LRRTM4: variants seen among roughly 807,000 people sequenced by gnomAD.
LRRTM4 encodes leucine-rich repeat transmembrane neuronal protein 4.
LRRTM4 carries 25 observed loss-of-function variants against 47.6 expected under a neutral mutation model. That is an observed-to-expected ratio of 0.53 (90% confidence interval 0.38 to 0.73). The LOEUF is 0.73. LRRTM4 is among the 30% of genes least tolerant of loss of function. The pLI, the probability that LRRTM4 is intolerant of heterozygous loss-of-function variation, is 0.00. For missense variants in LRRTM4, 638 were observed against 713.4 expected, an observed-to-expected ratio of 0.89 and a Z score of 1.20; for synonymous variants, 311 against 269.5, an observed-to-expected ratio of 1.15 and a Z score of -1.51.
chr2:77,119,693 A>C (rs1410845723), intron 3 of LRRTM4, among the ~76,000 whole-genome samples: 3 of 151,870 alleles, frequency 2.0e-5, no homozygotes. Context: ...AGAGCTAGCC[A>C]ATGATATAAG....
intron 3 of LRRTM4, among the ~76,000 whole-genome samples, chr2:76,891,827 CA>C (rs1673264355): frequency 6.6e-6 from 1 of 151,562 alleles, no homozygotes; most frequent in Admixed American, 6.6e-5. Context: ...AATTACAACT[CA>C]ATTCGGATGC....
chr2:77,182,056 C>G (rs1351492076), intron 3 of LRRTM4, among the ~76,000 whole-genome samples: 1 of 152,288 alleles, frequency 6.6e-6, no homozygotes, highest in East Asian at 1.9e-4. Flanking sequence ...TTTGACCTAG[C>G]AATCCCATTA....
At chr2:77,174,645 T>G (rs886657819) in intron 3 of LRRTM4, among the ~76,000 whole-genome samples, 29 of 151,310 alleles carry the variant, frequency 1.9e-4, no homozygotes, top group East Asian at 1.9e-4. Context: ...TGGTTGTTTT[T>G]TTTGTTTGTT....
At chr2:77,249,499 A>C (rs566632884) in intron 3 of LRRTM4, among the ~76,000 whole-genome samples, 21 of 146,404 alleles carry the variant, frequency 1.4e-4, no homozygotes, top group East Asian at 6.2e-4. Flanking sequence ...TAAAAAAAAA[A>C]CTCTTAGATA....
intron 3 of LRRTM4, among the ~76,000 whole-genome samples, chr2:77,409,166 T>C (rs987925073): frequency 1.3e-5 from 2 of 152,202 alleles, no homozygotes; most frequent in Non-Finnish European, 2.9e-5. Flanking sequence ...CTAAATATAA[T>C]AATATGTGTA....
At chr2:76,873,529 T>TATATATATAC (rs1391487040) in intron 3 of LRRTM4, among the ~76,000 whole-genome samples, 1 of 145,924 alleles carries the variant, frequency 6.9e-6, no homozygotes, top group African/African-American at 2.5e-5. Context: ...TATATATATA[T>TATATATATAC]ATATACAACA....
At chr2:77,439,331 C>T (rs1675739346) in intron 3 of LRRTM4, among the ~76,000 whole-genome samples, 2 of 151,884 alleles carry the variant, frequency 1.3e-5, no homozygotes, top group South Asian at 2.1e-4. Context: ...GTTTCTCTTC[C>T]TTCTTCTATC....
intron 3 of LRRTM4, among the ~76,000 whole-genome samples, chr2:77,040,996 T>C (rs1679010458): frequency 6.6e-6 from 1 of 151,430 alleles, no homozygotes; most frequent in African/African-American, 2.4e-5. Context: ...ATAGTCATCC[T>C]ATTGTGCACA....
intron 3 of LRRTM4, among the ~76,000 whole-genome samples, chr2:77,257,696 T>G (rs536541200): frequency 6.8e-6 from 1 of 146,330 alleles, no homozygotes; most frequent in African/African-American, 2.6e-5. Context: ...GATCAAAAAT[T>G]TATAACAAAC....
At chr2:76,821,119 T>C (rs1476025217) in intron 3 of LRRTM4, among the ~76,000 whole-genome samples, 2 of 151,702 alleles carry the variant, frequency 1.3e-5, no homozygotes, top group Non-Finnish European at 2.9e-5. Context: ...GAGAGTGCTT[T>C]TGAGCAGTCT....
intron 3 of LRRTM4, among the ~76,000 whole-genome samples, chr2:77,063,630 C>T (rs1679863849): frequency 6.6e-6 from 1 of 152,082 alleles, no homozygotes; most frequent in East Asian, 1.9e-4. Flanking sequence ...AAATGTTTTT[C>T]AAGTTAAAAA....
chr2:77,203,182 A>C, intron 3 of LRRTM4, among the ~76,000 whole-genome samples: 1 of 151,904 alleles, frequency 6.6e-6, no homozygotes, highest in East Asian at 1.9e-4. Context: ...AACTTTGAAC[A>C]TTTACTTTTT....
At chr2:77,123,024 A>C (rs954326561) in intron 3 of LRRTM4, among the ~76,000 whole-genome samples, 1 of 151,920 alleles carries the variant, frequency 6.6e-6, no homozygotes, top group Non-Finnish European at 1.5e-5. Flanking sequence ...GTTAAGAACA[A>C]AGAAAAATGA....
At chr2:76,901,873 G>C (rs951194356) in intron 3 of LRRTM4, among the ~76,000 whole-genome samples, 1 of 152,124 alleles carries the variant, frequency 6.6e-6, no homozygotes, top group African/African-American at 2.4e-5. Flanking sequence ...GTGTGCATTT[G>C]AGGAGTATCA....
chr2:76,781,254 G>A (rs902227055), intron 3 of LRRTM4, among the ~76,000 whole-genome samples: 17 of 152,236 alleles, frequency 1.1e-4, no homozygotes, highest in Non-Finnish European at 7.3e-5. Context: ...AGGCAGGCAG[G>A]CCTCCTTGAG....
intron 3 of LRRTM4, among the ~76,000 whole-genome samples, chr2:76,860,111 G>A (rs183929607): frequency 3.9e-5 from 6 of 152,216 alleles, no homozygotes; most frequent in Admixed American, 2.0e-4. Flanking sequence ...ATAGGAGTAC[G>A]TACAAGAGTT....
intron 3 of LRRTM4, among the ~76,000 whole-genome samples, chr2:76,851,755 GTTTTTTT>G (rs34184474): frequency 5.1e-5 from 6 of 117,744 alleles, no homozygotes; most frequent in African/African-American, 1.2e-4. Context: ...ACTTTTATTC[GTTTTTTT>G]TTTTTTTTTT....
At chr2:76,894,178 T>A (rs2065373) in intron 3 of LRRTM4, among the ~76,000 whole-genome samples, 6,835 of 152,052 alleles carry the variant, frequency 0.045, 330 homozygotes, top group East Asian at 0.13. Context: ...TAAAATTAAA[T>A]CTCTTTTAAA....
chr2:76,933,454 A>T (rs936496672), intron 3 of LRRTM4, among the ~76,000 whole-genome samples: 22 of 152,090 alleles, frequency 1.4e-4, no homozygotes, highest in Non-Finnish European at 2.5e-4. Flanking sequence ...TTACGTAGTT[A>T]TCTTCCAAAA....
Sources: allele counts gnomAD v4.1 joint callset (sites outside exome capture counted in the v4.1 genomes callset), GRCh38; gene constraint gnomAD v4.1.1; transcripts MANE v1.5; gene names NCBI Gene and HGNC (gene_info 2026-07-23, HGNC 2026-07-21).